The following PLEKHA5 variants were observed in gnomAD, a reference collection of about 807,000 sequenced individuals.
PLEKHA5 encodes pleckstrin homology domain-containing family A member 5.
In PLEKHA5, 55 loss-of-function variants were observed where a neutral mutation model predicts 181.9. That is an observed-to-expected ratio of 0.30 (90% CI 0.24 to 0.38). The LOEUF is 0.38. Ranked by LOEUF, PLEKHA5 falls within the 10% of genes least tolerant of loss-of-function variation. The pLI, the probability that PLEKHA5 is intolerant of heterozygous loss-of-function variation, is 1.00. For synonymous variants in PLEKHA5, 535 were observed against 529.4 expected (o/e 1.01, Z -0.15); for missense variants, 1,432 against 1,549.5 (o/e 0.92, Z 1.27).
intron 29 of PLEKHA5, among the ~76,000 whole-genome samples, chr12:19,363,068 AG>A (rs1487174100): frequency 6.6e-6 from 1 of 151,810 alleles, no homozygotes; most frequent in Non-Finnish European, 1.5e-5. Context: ...GTCTCATAAG[AG>A]TTCCAGAAAT....
At chr12:19,228,378 C>G (rs564399294) in intron 3 of PLEKHA5, among the ~76,000 whole-genome samples, 1 of 152,302 alleles carries the variant, frequency 6.6e-6, no homozygotes, top group East Asian at 1.9e-4. Context: ...GTTTTCTACT[C>G]TCCAGATCCT....
intron 3 of PLEKHA5, among the ~76,000 whole-genome samples, chr12:19,172,887 T>G (rs1469146547): frequency 1.3e-5 from 2 of 151,830 alleles, no homozygotes; most frequent in African/African-American, 4.8e-5. Flanking sequence ...TTTTGGGGTG[T>G]TAAAGTAGTG....
At position 19,298,984 on chromosome 12, in the gene PLEKHA5, C is replaced by T. The variant is rs546752961; in HGVS notation, c.2037+7287C>T. Among the ~76,000 whole-genome samples, 8 of 152,334 alleles carry T rather than the reference C, an allele frequency of 5.3e-5. No homozygotes were observed. The South Asian group carries it at 1.4e-3, about 28-fold the overall frequency. On this transcript the variant is annotated intron_variant, in intron 15 of 31. Transcript: ENST00000429027. ...ATGGCTGGGACAGCCTGACACCAGT[C>T]TCTCACAGTCTGGCTGACTGATGAA...
intron 16 of PLEKHA5, among the ~76,000 whole-genome samples, chr12:19,315,566 T>C (rs895873085): frequency 6.6e-5 from 10 of 152,164 alleles, no homozygotes; most frequent in Non-Finnish European, 2.9e-5. Context: ...GTCATATGTT[T>C]CTATCAAATT....
intron 3 of PLEKHA5, chr12:19,200,297 C>T (rs2053907702): frequency 6.7e-7 from 1 of 1,502,368 alleles, no homozygotes; most frequent in African/African-American, 1.4e-5. Context: ...AACATTAAAA[C>T]AATTTTTTTT....
At chr12:19,205,900 G>A (rs1305404986) in intron 3 of PLEKHA5, among the ~76,000 whole-genome samples, 3 of 151,958 alleles carry the variant, frequency 2.0e-5, no homozygotes, top group African/African-American at 7.2e-5. Context: ...GAAAATGATA[G>A]GGTATATTAC....
intron 16 of PLEKHA5, among the ~76,000 whole-genome samples, chr12:19,316,673 A>T (rs1199113329): frequency 6.6e-6 from 1 of 152,166 alleles, no homozygotes; most frequent in Non-Finnish European, 1.5e-5. Flanking sequence ...GAGTCTTCAG[A>T]CTGTCTTATT....
At chr12:19,216,447 G>A (rs1172563381) in intron 3 of PLEKHA5, among the ~76,000 whole-genome samples, 1 of 152,126 alleles carries the variant, frequency 6.6e-6, no homozygotes, top group East Asian at 1.9e-4. Context: ...CAGATCATTT[G>A]AGGTCAGGAG....
intron 20 of PLEKHA5, among the ~76,000 whole-genome samples, chr12:19,328,501 GTTT>G (rs1263283701): frequency 2.0e-5 from 3 of 151,876 alleles, no homozygotes; most frequent in African/African-American, 7.3e-5. Context: ...TTTCAACAGT[GTTT>G]TGTAGTTCTT....
intron 3 of PLEKHA5, among the ~76,000 whole-genome samples, chr12:19,197,934 C>A (rs2053331981): frequency 6.6e-6 from 1 of 152,126 alleles, no homozygotes; most frequent in Non-Finnish European, 1.5e-5. Flanking sequence ...CACCCCACCT[C>A]CCCTCCAGTC....
At position 19,274,798 on chromosome 12, in the gene PLEKHA5, C is replaced by A; in HGVS notation, c.1128C>A (p.Asn376Lys). ...PAQTVHYRPI[N>K]LSSSENKIVN... ...AGACTGTGCACTACAGACCAATCAA[C>A]TTGAGCAGTTCAGAGAACAAAATAG... is the stretch of plus-strand genomic sequence containing the variant. The change falls in exon 11 of 32, where the codon AAC becomes AAA. Residue 376 changes from asparagine to lysine, a missense_variant. By Grantham distance (94) the Asn-to-Lys change is moderately conservative (BLOSUM62 0). Transcript: ENST00000429027. 6.2e-7 allele frequency: 1 copy of A among 1,614,178 alleles called. No homozygotes were observed. The highest frequency in any genetic ancestry group is 8.5e-7 in the Non-Finnish European group (1 of 1,180,036).
At chr12:19,346,353 T>TG (rs1224074387) in intron 23 of PLEKHA5, among the ~76,000 whole-genome samples, 2 of 152,108 alleles carry the variant, frequency 1.3e-5, no homozygotes, top group African/African-American at 4.8e-5. Context: ...TCTTAAAAAT[T>TG]GGGGGGCCAG....
intron 3 of PLEKHA5, among the ~76,000 whole-genome samples, chr12:19,229,352 G>A (rs911624281): frequency 1.6e-4 from 24 of 152,144 alleles, no homozygotes; most frequent in African/African-American, 5.8e-4. Context: ...GTTCTTAAAG[G>A]TGGCGTGTCC....
At chr12:19,288,038 A>G (rs2077587391) in intron 13 of PLEKHA5, 1 of 253,866 alleles carries the variant, frequency 3.9e-6, no homozygotes, top group Non-Finnish European at 7.6e-6. Context: ...AGATCCTGCC[A>G]TTGCACTCCA....
At chr12:19,186,971 A>C (rs1165666521) in intron 3 of PLEKHA5, among the ~76,000 whole-genome samples, 1 of 152,204 alleles carries the variant, frequency 6.6e-6, no homozygotes, top group African/African-American at 2.4e-5. Flanking sequence ...TGTGTGTCCT[A>C]TGACTCTAAC....
At chr12:19,245,681 C>T (rs1450080175) in intron 3 of PLEKHA5, among the ~76,000 whole-genome samples, 7 of 129,970 alleles carry the variant, frequency 5.4e-5, no homozygotes, top group Non-Finnish European at 9.4e-5. Flanking sequence ...GAGCCGAGAT[C>T]ACGCCATTGC....
chr12:19,306,505 G>C (rs757578600), intron 15 of PLEKHA5: 1 of 720,082 alleles, frequency 1.4e-6, no homozygotes, highest in African/African-American at 1.8e-5. Flanking sequence ...CTGTGTGTTT[G>C]ATGTGTTGAA....
intron 3 of PLEKHA5, among the ~76,000 whole-genome samples, chr12:19,203,328 A>G (rs369484518): frequency 2.2e-4 from 33 of 152,202 alleles, no homozygotes; most frequent in East Asian, 1.5e-3. Flanking sequence ...TATCCAGGGT[A>G]TAGAACACTT....
intron 9 of PLEKHA5, 93 bp downstream of exon 9, chr12:19,269,978 A>G (rs1016845578): frequency 7.2e-6 from 5 of 697,696 alleles, no homozygotes; most frequent in African/African-American, 5.4e-5. Flanking sequence ...TATCATTTTA[A>G]TAGTCATGGT....
Sources: allele counts gnomAD v4.1 joint callset (sites outside exome capture counted in the v4.1 genomes callset), GRCh38; gene constraint gnomAD v4.1.1; transcripts MANE v1.5; gene names NCBI Gene and HGNC (gene_info 2026-07-23, HGNC 2026-07-21).